FRY: variants seen among roughly 807,000 people sequenced by gnomAD.
The protein encoded by FRY is FRY microtubule binding protein.
FRY carries 128 observed loss-of-function variants against 348.4 expected under a neutral mutation model. The observed-to-expected ratio is 0.37, with a 90% confidence interval of 0.32 to 0.43. The LOEUF is 0.43. Among genes scored for constraint, FRY ranks in the 20% least tolerant of loss-of-function variants. FRY has a pLI of 1.00. For synonymous variants in FRY, 1,370 were observed against 1,374.7 expected (o/e 1.00, Z 0.08); for missense variants, 2,736 against 3,695.2 (o/e 0.74, Z 6.73).
intron 46 of FRY, 126 bp downstream of exon 46, chr13:32,240,007 C>A: frequency 2.8e-6 from 2 of 726,094 alleles, no homozygotes; most frequent in Non-Finnish European, 4.6e-6. Flanking sequence ...AGGCGTGGGC[C>A]ACCATTCCCT....
At chr13:32,231,763 T>C (rs1885927595) in intron 41 of FRY, among the ~76,000 whole-genome samples, 1 of 152,248 alleles carries the variant, frequency 6.6e-6, no homozygotes, top group South Asian at 2.1e-4. Context: ...ATATTCTAAA[T>C]ACAGTGTGAC....
At position 32,171,283 on chromosome 13, in the gene FRY, C is replaced by A; in HGVS notation, c.2151+13C>A. 1 of 1,439,482 alleles carries A rather than the reference C, an allele frequency of 6.9e-7. No individual in the cohort carries two copies. Among genetic ancestry groups the A allele is most frequent in the Non-Finnish European group, 9.7e-7 (1 of 1,026,606 alleles). 89.2% of individuals were successfully genotyped at this position (1,439,482 alleles called of 1,614,324 possible). A position where few individuals can be genotyped will look rare whatever the true frequency, so the allele number is the denominator to read the frequency against. On this transcript the variant is annotated intron_variant, in intron 18 of 60. Transcript: ENST00000542859. ...CAGAAATTCAGAGGTGATTTTCACA[C>A]CTTACCCATGAATTTATATTCTTTT...
intron 1 of FRY, among the ~76,000 whole-genome samples, chr13:32,069,490 T>C (rs1269358187): frequency 6.6e-6 from 1 of 152,148 alleles, no homozygotes; most frequent in East Asian, 1.9e-4. Context: ...GTCTTCAACA[T>C]AGGCAGCTGA....
intron 2 of FRY, among the ~76,000 whole-genome samples, chr13:32,083,668 A>T (rs932630753): frequency 6.6e-6 from 1 of 152,164 alleles, no homozygotes; most frequent in African/African-American, 2.4e-5. Context: ...ACACAACTGT[A>T]TATCTCAAAC....
rs1471853366 is a variant in FRY at position 32,147,840 on chromosome 13, C to G, written c.1285C>G (p.Arg429Gly). 6.3e-7 allele frequency: 1 copy of G among 1,582,728 alleles called. No individual in the cohort carries two copies. Among genetic ancestry groups the G allele is most frequent in the Admixed American group, 1.7e-5 (1 of 59,958 alleles). The change falls in exon 13 of 61, where the codon CGA becomes GGA. Residue 429 changes from arginine to glycine, a missense_variant and splice_region_variant. This residue lies in a region of FRY where 191 missense variants were observed against 370.2 expected (regional missense o/e 0.52). Coordinates refer to ENST00000542859, the MANE Select transcript of FRY (RefSeq NM_023037.3). ...KCESNTATQSRLITIITTLFP... is the reference protein window; with the variant it reads ...KCESNTATQSGLITIITTLFP... The stretch of plus-strand genomic sequence containing the variant: ...TCTCTTTTCCCCCTTATCTTTCAGC[C>G]GACTTATAACCATCATCACAACACT...
Position 32,209,646 on chromosome 13 carries a change from A to G in FRY, c.4337A>G (p.Glu1446Gly), listed in dbSNP as rs974326028. ...ENAWNALANNEKWSNNLRITL... is the reference protein window; with the variant it reads ...ENAWNALANNGKWSNNLRITL... Reference sequence around the variant, plus strand: ...GCTTGGAATGCTTTAGCCAACAATGAGAAATGGAGCAACAACCTGAGGATC... The same window carrying G: ...GCTTGGAATGCTTTAGCCAACAATGGGAAATGGAGCAACAACCTGAGGATC... Residue 1446 changes from glutamate (E) to glycine (G), a missense_variant, in exon 33 of 61, where the codon GAG (glutamate) becomes GGG (glycine). By Grantham distance (98) the Glu-to-Gly change is moderately conservative. Coordinates refer to ENST00000542859, the MANE Select transcript of FRY (RefSeq NM_023037.3). The G allele has an allele frequency of 1.7e-5, 28 of 1,613,976 alleles. No homozygotes were observed. Among genetic ancestry groups the G allele is most frequent in the Non-Finnish European group, 2.4e-5 (28 of 1,179,958 alleles).
intron 18 of FRY, 93 bp from the exon 19 acceptor site, chr13:32,173,274 G>A: frequency 3.3e-6 from 3 of 898,632 alleles, no homozygotes; most frequent in South Asian, 2.7e-5. Flanking sequence ...ATATTTACAA[G>A]GTCAAATGTG....
intron 8 of FRY, among the ~76,000 whole-genome samples, chr13:32,134,214 A>T (rs557807090): frequency 6.6e-6 from 1 of 152,344 alleles, no homozygotes; most frequent in South Asian, 2.1e-4. Context: ...TGTTTAAAAA[A>T]AAAATGTTGG....
At chr13:32,222,272 C>T (rs1163347150) in intron 36 of FRY, among the ~76,000 whole-genome samples, 1 of 151,996 alleles carries the variant, frequency 6.6e-6, no homozygotes, top group Non-Finnish European at 1.5e-5. Context: ...AGCAAGGGTG[C>T]GCTGGTAGGA....
At chr13:32,195,585 T>C (rs1338810175) in intron 29 of FRY, among the ~76,000 whole-genome samples, 1 of 152,210 alleles carries the variant, frequency 6.6e-6, no homozygotes, top group African/African-American at 2.4e-5. Context: ...ATCAAATTTA[T>C]TGCATTGCAT....
intron 2 of FRY, among the ~76,000 whole-genome samples, chr13:32,095,030 G>A (rs1876594686): frequency 6.6e-6 from 1 of 152,082 alleles, no homozygotes; most frequent in Non-Finnish European, 1.5e-5. Flanking sequence ...CTGTCTTTTG[G>A]ATATAAGCCA....
At chr13:32,072,638 T>C (rs1432210864) in intron 1 of FRY, among the ~76,000 whole-genome samples, 2 of 152,242 alleles carry the variant, frequency 1.3e-5, no homozygotes, top group Non-Finnish European at 2.9e-5. Flanking sequence ...AATTTGTTAT[T>C]GCTCTATACA....
chr13:32,148,582 C>G (rs1234209802), intron 13 of FRY, among the ~76,000 whole-genome samples: 1 of 152,208 alleles, frequency 6.6e-6, no homozygotes, highest in East Asian at 1.9e-4. Context: ...CTTTGACCTC[C>G]TTGTGCAGAG....
Position 32,225,973 on chromosome 13 carries a change from AG to A in FRY, c.5206+1del. ...CCTACCAACCTGAATATCTCTATAC[AG>A]GTAACAGAGAAGGACTGGTAGAGAG... ...PAYQPEYLYT[G>X]GFDFLREDQS... On this transcript the variant is annotated frameshift_variant and splice_region_variant, in exon 39 of 61. Transcript: ENST00000542859. LOFTEE classifies it high-confidence loss of function. 1 of 1,613,358 alleles carries A rather than the reference AG, an allele frequency of 6.2e-7. No homozygotes were observed. The highest frequency in any genetic ancestry group is 8.5e-7 in the Non-Finnish European group (1 of 1,179,310).
Position 32,275,818 on chromosome 13 carries a change from A to G in FRY, c.8287-646A>G, listed in dbSNP as rs149470023. Among the ~76,000 whole-genome samples, 6 of 152,186 alleles carry G rather than the reference A, an allele frequency of 3.9e-5. No homozygotes were observed. In the East Asian group the frequency reaches 1.2e-3, roughly 29 times the overall value. On this transcript the variant is annotated intron_variant, in intron 56 of 60. Coordinates refer to ENST00000542859, the MANE Select transcript of FRY (RefSeq NM_023037.3). The stretch of plus-strand genomic sequence containing the variant: ...GGCTGACGGTAATTCATGGCTTTAC[A>G]CATGGAACTCTAACCATGCGAGACT...
intron 3 of FRY, among the ~76,000 whole-genome samples, chr13:32,102,796 G>A (rs1877250171): frequency 6.6e-6 from 1 of 152,186 alleles, no homozygotes; most frequent in South Asian, 2.1e-4. Flanking sequence ...TGTTTGTGAA[G>A]TTTCCTAAAC....
At chr13:32,265,847 A>G (rs1052145371) in intron 54 of FRY, among the ~76,000 whole-genome samples, 1 of 152,232 alleles carries the variant, frequency 6.6e-6, no homozygotes, top group African/African-American at 2.4e-5. Context: ...AAGGCCAGAA[A>G]GCAACGTAAA....
chr13:32,060,160 T>C (rs1873861276), intron 1 of FRY, among the ~76,000 whole-genome samples: 4 of 152,224 alleles, frequency 2.6e-5, no homozygotes, highest in Admixed American at 2.6e-4. Flanking sequence ...GAAATAAATT[T>C]TCACTGACCC....
rs779806643 is a variant in FRY at position 32,239,764 on chromosome 13, T to C, written c.6570T>C (p.Thr2190=). 2 of 1,613,964 alleles carry C rather than the reference T, an allele frequency of 1.2e-6. No homozygotes were observed. Among genetic ancestry groups the C allele is most frequent in the African/African-American group, 2.7e-5 (2 of 75,048 alleles). ...TTTCAAATCTTGCACATGTCATGAC[T>C]CTTTATAAAACGCACAGCTACACGA... is the stretch of plus-strand genomic sequence containing the variant. ...PKLSNLAHVM[T]LYKTHSYTRD... is the part of the protein sequence containing the mutation. The change falls in exon 46 of 61, where the codon ACT becomes ACC. Residue 2190 remains threonine (T), a synonymous_variant. Coordinates refer to ENST00000542859, the MANE Select transcript of FRY (RefSeq NM_023037.3). The surrounding 1 kb of genome is among the most constrained non-coding windows in gnomAD (Gnocchi z 4.3).
Sources: allele counts gnomAD v4.1 joint callset (sites outside exome capture counted in the v4.1 genomes callset), GRCh38; gene constraint gnomAD v4.1.1; regional missense constraint gnomAD v4.1.1; non-coding constraint Gnocchi (gnomAD v3.1); transcripts MANE v1.5; gene names NCBI Gene and HGNC (gene_info 2026-07-23, HGNC 2026-07-21).